The following LRPPRC variants were observed in gnomAD, a reference collection of about 807,000 sequenced individuals.
LRPPRC encodes the protein leucine rich pentatricopeptide repeat containing.
Under a neutral mutation model 180.3 loss-of-function variants are expected in LRPPRC, and 120 were observed. That is an observed-to-expected ratio of 0.67 (90% CI 0.57 to 0.77). LRPPRC has a LOEUF of 0.77. Ranked by LOEUF, LRPPRC falls within the 30% of genes least tolerant of loss-of-function variation. The pLI, the probability that LRPPRC is intolerant of heterozygous loss-of-function variation, is 0.00. For synonymous variants in LRPPRC, 723 were observed against 600.0 expected (o/e 1.21, Z -3.00); for missense variants, 2,012 against 1,657.2 (o/e 1.21, Z -3.72).
chr2:43,983,433 T>C (rs1263086473), intron 1 of LRPPRC, among the ~76,000 whole-genome samples: 10 of 152,152 alleles, frequency 6.6e-5, no homozygotes, highest in Admixed American at 6.5e-4. Flanking sequence ...CTATTCTAGG[T>C]AAAAATATAA....
At chr2:43,903,309 A>G (rs1475750821) in intron 31 of LRPPRC, 3 of 152,222 alleles carry the variant, frequency 2.0e-5, no homozygotes, top group Non-Finnish European at 2.9e-5. Flanking sequence ...GATACTAATT[A>G]CACTGTACAA....
intron 23 of LRPPRC, among the ~76,000 whole-genome samples, chr2:43,936,383 G>C (rs1292233015): frequency 3.3e-5 from 5 of 152,206 alleles, no homozygotes; most frequent in East Asian, 3.9e-4. Flanking sequence ...AAGAGAGTAT[G>C]AAAGGTATTT....
At chr2:43,949,680 T>C in intron 15 of LRPPRC, 21 bp from the exon 16 acceptor site, 2 of 1,560,960 alleles carry the variant, frequency 1.3e-6, no homozygotes, top group African/African-American at 1.4e-5. Flanking sequence ...AGAAAATTCG[T>C]GCATTGCAGC....
chr2:43,923,176 T>C (rs1352222025), intron 27 of LRPPRC, among the ~76,000 whole-genome samples: 2 of 80,922 alleles, frequency 2.5e-5, no homozygotes, highest in Non-Finnish European at 4.3e-5. Context: ...TTTTGTTTCT[T>C]TAAAAAAAAA....
chr2:43,961,978 A>G (rs957125930), intron 12 of LRPPRC, among the ~76,000 whole-genome samples: 6 of 152,178 alleles, frequency 3.9e-5, no homozygotes, highest in African/African-American at 1.4e-4. Context: ...ACAAAGAAAA[A>G]AAGCAGATCA....
chr2:43,929,919 A>T (rs951670757), intron 25 of LRPPRC, among the ~76,000 whole-genome samples: 1 of 151,760 alleles, frequency 6.6e-6, no homozygotes, highest in Non-Finnish European at 1.5e-5. Context: ...ATGAGAACTG[A>T]CATATCCTGA....
intron 15 of LRPPRC, among the ~76,000 whole-genome samples, chr2:43,949,895 A>T (rs902070783): frequency 7.2e-5 from 11 of 152,250 alleles, no homozygotes; most frequent in African/African-American, 2.7e-4. Flanking sequence ...GTTTTGTGAA[A>T]TGTCACACAG....
At chr2:43,982,791 T>G (rs1235613934) in intron 1 of LRPPRC, among the ~76,000 whole-genome samples, 1 of 152,206 alleles carries the variant, frequency 6.6e-6, no homozygotes, top group Non-Finnish European at 1.5e-5. Flanking sequence ...CAGTTTATGC[T>G]GCAAAGCTCT....
chr2:43,952,596 ACC>A (rs1425876474), intron 14 of LRPPRC, among the ~76,000 whole-genome samples: 9 of 152,148 alleles, frequency 5.9e-5, no homozygotes, highest in East Asian at 3.9e-4. Context: ...ATGCTACTCA[ACC>A]TCTTTCAGGA....
rs1670883418 is a variant in LRPPRC, at chr2:43,901,454, G to A, written c.3435C>T (p.Val1145=). ...QTPSRLAVTR[V]IQALAMKGDV... is the part of the protein sequence containing the mutation. ...CACCCTTCATGGCCAATGCCTGGAT[G>A]ACACGGGTCACTGCTAACCTAGAAG... Residue 1145 remains valine (V), a synonymous_variant, in exon 32 of 38, where the codon GTC becomes GTT. Coordinates refer to ENST00000260665, the MANE Select transcript of LRPPRC (RefSeq NM_133259.4). 6.2e-7 allele frequency: 1 copy of A among 1,613,776 alleles called. No individual in the cohort carries two copies. The highest frequency in any genetic ancestry group is 1.3e-5 in the African/African-American group (1 of 74,938).
Position 43,901,541 on chromosome 2 carries a change from G to A in LRPPRC, c.3365-17C>T. The A allele has an allele frequency of 6.4e-7, 1 of 1,552,048 alleles. No homozygotes were observed. Among genetic ancestry groups the A allele is most frequent in the Non-Finnish European group, 8.9e-7 (1 of 1,123,374 alleles). ...TCACAGCCTCTAAAATACAAGAGCAGGAGATGGCTTTTCTTATATGACCTG... is the reference window on the plus strand; with the variant it reads ...TCACAGCCTCTAAAATACAAGAGCAAGAGATGGCTTTTCTTATATGACCTG... On this transcript the variant is annotated splice_polypyrimidine_tract_variant and intron_variant, in intron 31 of 37. Coordinates refer to ENST00000260665, the MANE Select transcript of LRPPRC (RefSeq NM_133259.4).
At chr2:43,952,682 T>C (rs1672951468) in intron 14 of LRPPRC, among the ~76,000 whole-genome samples, 1 of 152,224 alleles carries the variant, frequency 6.6e-6, no homozygotes, top group Non-Finnish European at 1.5e-5. Flanking sequence ...ATATTTTTTA[T>C]CTTAAAGACA....
chr2:43,973,153 T>G (rs964501266), intron 11 of LRPPRC, among the ~76,000 whole-genome samples: 1 of 152,194 alleles, frequency 6.6e-6, no homozygotes, highest in Non-Finnish European at 1.5e-5. Context: ...AATAAAAGTT[T>G]TCCTGCCTTT....
chr2:43,936,018 G>A lies in LRPPRC; in HGVS notation c.2505-1140C>T, dbSNP rs149232329. 2.5e-3 allele frequency among the ~76,000 whole-genome samples: 374 copies of A among 152,282 alleles called. 2 individuals are homozygous for A. The highest frequency in any genetic ancestry group is 8.5e-3 in the African/African-American group (352 of 41,564). Reference sequence around the variant, plus strand: ...GAATCCCTTGAACCCGGGAGGTGGAGGTTGCAGTGAGCTGAGATCGTGCCA... The same window carrying A: ...GAATCCCTTGAACCCGGGAGGTGGAAGTTGCAGTGAGCTGAGATCGTGCCA... On this transcript the variant is annotated intron_variant, in intron 23 of 37. Transcript: ENST00000260665.
intron 23 of LRPPRC, 34 bp downstream of exon 23, chr2:43,943,653 C>A (rs376987141): frequency 7.2e-6 from 11 of 1,534,498 alleles, no homozygotes; most frequent in Non-Finnish European, 9.9e-6. Context: ...TCTTTTAATG[C>A]CAACATTTAA....
intron 1 of LRPPRC, among the ~76,000 whole-genome samples, chr2:43,987,055 G>A (rs906634402): frequency 1.6e-4 from 25 of 152,062 alleles, no homozygotes; most frequent in Admixed American, 1.3e-3. Context: ...GCTGGATCAC[G>A]TGGATTGATT....
At chr2:43,985,907 A>G (rs528727268) in intron 1 of LRPPRC, among the ~76,000 whole-genome samples, 12 of 152,216 alleles carry the variant, frequency 7.9e-5, no homozygotes, top group Non-Finnish European at 1.3e-4. Flanking sequence ...CAAAATAGCT[A>G]TACCATTTTG....
At chr2:43,925,525 T>G (rs1260333105) in intron 26 of LRPPRC, among the ~76,000 whole-genome samples, 1 of 152,084 alleles carries the variant, frequency 6.6e-6, no homozygotes, top group Non-Finnish European at 1.5e-5. Context: ...GCCCTGTGGC[T>G]TTTACTTGGC....
At chr2:43,911,773 C>T (rs915711111) in intron 30 of LRPPRC, among the ~76,000 whole-genome samples, 7 of 151,992 alleles carry the variant, frequency 4.6e-5, no homozygotes, top group African/African-American at 1.7e-4. Flanking sequence ...GTGATCCACC[C>T]ACCTCAGCCT....
Sources: gnomAD v4.1 joint callset for allele counts (sites outside exome capture counted in the v4.1 genomes callset) on GRCh38, gnomAD v4.1.1 for gene constraint, MANE v1.5 for transcripts, NCBI Gene and HGNC (gene_info 2026-07-23, HGNC 2026-07-21) for gene names.